CREB5: variants seen among roughly 807,000 people sequenced by gnomAD.
The protein encoded by CREB5 is cAMP responsive element binding protein 5.
A neutral mutation model predicts 57.1 loss-of-function variants in CREB5; 19 were observed. That is an observed-to-expected ratio of 0.33 (90% CI 0.23 to 0.49). The LOEUF (loss-of-function observed/expected upper bound fraction) is 0.49, where lower values mean the gene tolerates loss of function less well. Among genes scored for constraint, CREB5 ranks in the 20% least tolerant of loss-of-function variants. The pLI is 0.99. For missense variants in CREB5, 579 were observed against 671.6 expected (o/e 0.86, Z 1.52); for synonymous variants, 238 against 238.3 (o/e 1.00, Z 0.01).
intron 1 of CREB5, among the ~76,000 whole-genome samples, chr7:28,401,430 A>G (rs1195543724): frequency 1.3e-5 from 2 of 150,838 alleles, no homozygotes; most frequent in Non-Finnish European, 3.0e-5. Flanking sequence ...TTATTTTTTT[A>G]TAATGTAAGT....
intron 5 of CREB5, among the ~76,000 whole-genome samples, chr7:28,603,505 A>G (rs1185527638): frequency 6.6e-6 from 1 of 152,114 alleles, no homozygotes; most frequent in Non-Finnish European, 1.5e-5. Context: ...TAACCTTCCT[A>G]TCTCAACCAG....
intron 4 of CREB5, among the ~76,000 whole-genome samples, chr7:28,569,657 T>C (rs1795618823): frequency 6.6e-6 from 1 of 152,196 alleles, no homozygotes; most frequent in African/African-American, 2.4e-5. Context: ...ACAAACATCC[T>C]ATGTTCCAGA....
chr7:28,497,216 A>T (rs537831446), intron 3 of CREB5, among the ~76,000 whole-genome samples: 3 of 152,334 alleles, frequency 2.0e-5, no homozygotes, highest in Admixed American at 6.5e-5. Context: ...ATGGTCCTCT[A>T]AGGAGCCCCA....
intron 1 of CREB5, among the ~76,000 whole-genome samples, chr7:28,452,471 T>C (rs1789870682): frequency 6.6e-6 from 1 of 152,200 alleles, no homozygotes; most frequent in African/African-American, 2.4e-5. Context: ...TGTGTATTTG[T>C]ATCAGTCGGG....
chr7:28,658,402 G>C (rs904254928), intron 5 of CREB5, among the ~76,000 whole-genome samples: 3 of 152,158 alleles, frequency 2.0e-5, no homozygotes, highest in Non-Finnish European at 2.9e-5. Context: ...TGCTTTAAAG[G>C]CTTTGTTGTT....
At position 28,809,215 on chromosome 7, in the gene CREB5, C is replaced by T. The variant is rs1282386320; in HGVS notation, c.1055C>T (p.Pro352Leu). Residue 352 changes from proline (P) to leucine (L), a missense_variant, in exon 9 of 11, where the codon CCA becomes CTA. Coordinates refer to ENST00000357727, the MANE Select transcript of CREB5 (RefSeq NM_182898.4). ...TCACCAGCAACACAACAGATGCAGC[C>T]AACCCAGACAATACAGCCACCCCAG... The part of the protein sequence containing the change: ...QVSPATQQMQ[P>L]TQTIQPPQPT... 10 of 1,613,584 alleles carry T rather than the reference C, an allele frequency of 6.2e-6. No homozygotes were observed. The highest frequency in any genetic ancestry group is 8.5e-6 in the Non-Finnish European group (10 of 1,179,790).
chr7:28,538,300 C>T lies in CREB5; in HGVS notation c.291+30563C>T, dbSNP rs776393841. ...AACTCCTGACCTCAAGTGATCTGCC[C>T]GCTTCGGCCTCCCAAAGTGCTGGGA... On this transcript the variant is annotated intron_variant, in intron 4 of 10. Transcript: ENST00000357727. Among the ~76,000 whole-genome samples the T allele has an allele frequency of 3.9e-5, 6 of 152,268 alleles. No individual in the cohort carries two copies. In the East Asian group the frequency reaches 5.8e-4, roughly 15 times the overall value.
At chr7:28,562,639 C>CTTG (rs1197758263) in intron 4 of CREB5, among the ~76,000 whole-genome samples, 2 of 152,158 alleles carry the variant, frequency 1.3e-5, no homozygotes, top group African/African-American at 4.8e-5. Flanking sequence ...GATGTCTTCC[C>CTTG]TCAAGTCAAA....
At chr7:28,766,042 A>G (rs1225898722) in intron 7 of CREB5, among the ~76,000 whole-genome samples, 7 of 151,964 alleles carry the variant, frequency 4.6e-5, no homozygotes, top group Non-Finnish European at 8.8e-5. Flanking sequence ...TCTTGGAGCT[A>G]CATTTTTTCA....
chr7:28,760,054 G>T (rs551221973), intron 7 of CREB5, among the ~76,000 whole-genome samples: 2 of 152,282 alleles, frequency 1.3e-5, no homozygotes, highest in Admixed American at 1.3e-4. Flanking sequence ...TGCTTTTAAA[G>T]GTAGACGCCA....
At chr7:28,663,201 C>G (rs1799680185) in intron 5 of CREB5, among the ~76,000 whole-genome samples, 1 of 151,434 alleles carries the variant, frequency 6.6e-6, no homozygotes, top group South Asian at 2.1e-4. Flanking sequence ...AGGAAAAGCT[C>G]TCCCTTCATT....
chr7:28,757,259 C>A (rs898271505), intron 7 of CREB5, among the ~76,000 whole-genome samples: 2 of 152,196 alleles, frequency 1.3e-5, no homozygotes, highest in African/African-American at 4.8e-5. Context: ...CAAAGTCACA[C>A]AGTTAGTAAG....
intron 8 of CREB5, among the ~76,000 whole-genome samples, chr7:28,807,688 T>G (rs961899125): frequency 6.6e-6 from 1 of 152,206 alleles, no homozygotes; most frequent in African/African-American, 2.4e-5. Context: ...AGCTTCATTT[T>G]TAAAACTTTT....
chr7:28,663,162 T>C (rs1327698696), intron 5 of CREB5, among the ~76,000 whole-genome samples: 1 of 150,136 alleles, frequency 6.7e-6, no homozygotes, highest in African/African-American at 2.5e-5. Context: ...AAAAGAAAGA[T>C]CGAAATGTTC....
chr7:28,603,896 A>G (rs950384334), intron 5 of CREB5, among the ~76,000 whole-genome samples: 23 of 152,188 alleles, frequency 1.5e-4, no homozygotes, highest in African/African-American at 5.3e-4. Flanking sequence ...ATGTGTCCTC[A>G]AGGGATCTGT....
chr7:28,390,560 A>C (rs905220769), intron 1 of CREB5, among the ~76,000 whole-genome samples: 2 of 152,080 alleles, frequency 1.3e-5, no homozygotes, highest in African/African-American at 2.4e-5. Context: ...TCCCTTTATT[A>C]CTTTTAACCG....
chr7:28,595,429 GA>G (rs1238542096), intron 5 of CREB5, among the ~76,000 whole-genome samples: 2 of 152,208 alleles, frequency 1.3e-5, no homozygotes, highest in Non-Finnish European at 2.9e-5. Context: ...TATAAATGAT[GA>G]ATGATCAGTC....
chr7:28,392,716 C>A (rs892806710), intron 1 of CREB5, among the ~76,000 whole-genome samples: 3 of 152,086 alleles, frequency 2.0e-5, no homozygotes, highest in African/African-American at 4.8e-5. Flanking sequence ...CTAGTCAAAT[C>A]CTCATTTTTA....
intron 1 of CREB5, among the ~76,000 whole-genome samples, chr7:28,427,001 C>T (rs974249731): frequency 6.6e-6 from 1 of 152,098 alleles, no homozygotes; most frequent in African/African-American, 2.4e-5. Flanking sequence ...TGGAGGACCA[C>T]CCTAGGAAGA....
Sources: allele counts gnomAD v4.1 joint callset (sites outside exome capture counted in the v4.1 genomes callset), GRCh38; gene constraint gnomAD v4.1.1; transcripts MANE v1.5; gene names NCBI Gene and HGNC (gene_info 2026-07-23, HGNC 2026-07-21).